The following TRMU variants were observed in gnomAD, a reference collection of about 807,000 sequenced individuals.
The protein encoded by TRMU is mitochondrial tRNA-specific 2-thiouridylase 1.
TRMU carries 49 observed loss-of-function variants against 46.9 expected under a neutral mutation model. The ratio of observed to expected loss-of-function variants is 1.05; its 90% CI spans 0.83 to 1.33. The LOEUF (loss-of-function observed/expected upper bound fraction) is 1.33, where lower values mean the gene tolerates loss of function less well. Ranked by LOEUF, TRMU falls within the 40% of genes most tolerant of loss-of-function variation. The probability of loss-of-function intolerance (pLI) is 0.00; values close to 1 mark genes in which losing one functional copy is unlikely to be tolerated. For missense variants in TRMU, 572 were observed against 532.4 expected, an observed-to-expected ratio of 1.07 and a Z score of -0.73; for synonymous variants, 241 against 200.9, an observed-to-expected ratio of 1.20 and a Z score of -1.69.
chr22:46,355,366 G>T (rs918405216), intron 8 of TRMU, 78 bp from the exon 9 acceptor site: 3 of 1,571,426 alleles, frequency 1.9e-6, no homozygotes, highest in Admixed American at 1.8e-5. Flanking sequence ...TAGGACAGTT[G>T]TTCCCAGGGA....
chr22:46,346,583 A>C (rs1433785620), intron 4 of TRMU, 39 bp downstream of exon 4: 5 of 1,596,708 alleles, frequency 3.1e-6, no homozygotes, highest in Non-Finnish European at 4.3e-6. Context: ...AATTCTTGTG[A>C]ACAGATTGAA....
At position 46,356,391 on chromosome 22, in the gene TRMU, G is replaced by C. The variant is rs1486393883; in HGVS notation, c.1101+319G>C. ...CAGTGCTCAAAGAGGCAGAGGGTCGGGGCCCCTGTGGGCCGAGTGTGCAGG... is the reference window on the plus strand; with the variant it reads ...CAGTGCTCAAAGAGGCAGAGGGTCGCGGCCCCTGTGGGCCGAGTGTGCAGG... On this transcript the variant is annotated intron_variant, in intron 10 of 10. Transcript: ENST00000645190. 1.1e-5 allele frequency: 5 copies of C among 450,264 alleles called. No individual in the cohort carries two copies. The East Asian group carries it at 2.1e-4, about 19-fold the overall frequency. The allele number at this position is 450,264 out of a possible 1,614,324, so 27.9% of individuals were successfully genotyped here. A position where few individuals can be genotyped will look rare whatever the true frequency, so the allele number is the denominator to read the frequency against.
rs2077968510 is a variant in TRMU, at chr22:46,336,095, C to A, written c.82+249C>A. The A allele has an allele frequency of 2.8e-5, 38 of 1,359,636 alleles. No individual in the cohort carries two copies. Among genetic ancestry groups the A allele is most frequent in the Non-Finnish European group, 3.5e-5 (37 of 1,058,582 alleles). 84.2% of individuals were successfully genotyped at this position (1,359,636 alleles called of 1,614,324 possible). A position where few individuals can be genotyped will look rare whatever the true frequency, so the allele number is the denominator to read the frequency against. On this transcript the variant is annotated intron_variant, in intron 1 of 10. Transcript: ENST00000645190. This position sits in a 1 kb window ranked among gnomAD's most constrained non-coding sequence, Gnocchi z 4.1. The stretch of plus-strand genomic sequence containing the variant: ...TTCCGCGCCCCTCTCCACCCACGCG[C>A]GCCCACCCACAGTGAGAAGCCGGCG...
rs118018000 is a variant in TRMU, at chr22:46,342,876, A to G, written c.249-386A>G. Among the ~76,000 whole-genome samples the G allele has an allele frequency of 1.0e-3, 152 of 152,374 alleles. No homozygotes were observed. The highest frequency in any genetic ancestry group is 2.3e-3 in the East Asian group (12 of 5,184). On this transcript the variant is annotated intron_variant, in intron 2 of 10. Coordinates refer to ENST00000645190, the MANE Select transcript of TRMU (RefSeq NM_018006.5). The surrounding 1 kb of genome is among the most constrained non-coding windows in gnomAD (Gnocchi z 4.7). ...GGAAGGCTGAGGTGGGAGAATCTGCAAGGGAAGTCTAAAGGATTTCATTTC... is the reference window on the plus strand; with the variant it reads ...GGAAGGCTGAGGTGGGAGAATCTGCGAGGGAAGTCTAAAGGATTTCATTTC...
rs370517885 is a variant in TRMU, at chr22:46,339,470, T to G, written c.248+1526T>G. 2.8e-4 allele frequency among the ~76,000 whole-genome samples: 43 copies of G among 152,212 alleles called. No homozygotes were observed. The highest frequency in any genetic ancestry group is 9.1e-4 in the African/African-American group (38 of 41,532). On this transcript the variant is annotated intron_variant, in intron 2 of 10. Coordinates refer to ENST00000645190, the MANE Select transcript of TRMU (RefSeq NM_018006.5). The surrounding 1 kb of genome is among the most constrained non-coding windows in gnomAD (Gnocchi z 4.8). ...AGCCTGCTATTTTTATTTTCATTAT[T>G]AAAAAGATGAGTCTGGGGAGCTAAG...
intron 8 of TRMU, 72 bp downstream of exon 8, chr22:46,353,939 C>A: frequency 7.0e-7 from 1 of 1,423,288 alleles, no homozygotes; most frequent in Non-Finnish European, 9.9e-7. Flanking sequence ...CAGACCAGGG[C>A]TTGAGAAGGC....
rs1449185725 is a variant in TRMU at position 46,338,867 on chromosome 22, G to C, written c.248+923G>C. On this transcript the variant is annotated intron_variant, in intron 2 of 10. Transcript: ENST00000645190. This position sits in a 1 kb window ranked among gnomAD's most constrained non-coding sequence, Gnocchi z 4.5. ...TGCGCGGGACAGGCTGCCCCTGCCT[G>C]AGTGGGCTTTAGGGGCAGAAGAGCC... Among the ~76,000 whole-genome samples, 1 of 152,204 alleles carries C rather than the reference G, an allele frequency of 6.6e-6. No individual in the cohort carries two copies. The highest frequency in any genetic ancestry group is 6.5e-5 in the Admixed American group (1 of 15,280).
At position 46,357,149 on chromosome 22, in the gene TRMU, G is replaced by C; in HGVS notation, c.*143G>C. On this transcript the variant is annotated 3_prime_UTR_variant, in exon 11 of 11. Transcript: ENST00000645190. The stretch of plus-strand genomic sequence containing the variant: ...GGCTGAGGGTCCGAAAAGCCTGCAG[G>C]GGCCCGGCGAGCCCCAGGAAGAGCC... 1 of 1,146,694 alleles carries C rather than the reference G, an allele frequency of 8.7e-7. No individual in the cohort carries two copies. The highest frequency in any genetic ancestry group is 1.3e-6 in the Non-Finnish European group (1 of 796,356). 71.0% of individuals were successfully genotyped at this position (1,146,694 alleles called of 1,614,324 possible). A position where few individuals can be genotyped will look rare whatever the true frequency, so the allele number is the denominator to read the frequency against.
At position 46,355,496 on chromosome 22, in the gene TRMU, G is replaced by GCGTGCA; in HGVS notation, c.928_933dup (p.Val310_His311dup). Reference sequence around the variant, plus strand: ...TACAGGGACCTGCTGAGGACCAGCCGCGTGCACTGGATTGCGGAGGAGCCT... The same window carrying GCGTGCA: ...TACAGGGACCTGCTGAGGACCAGCCGCGTGCACGTGCACTGGATTGCGGAGGAGCCT... On this transcript the variant is annotated inframe_insertion, in exon 9 of 11. Coordinates refer to ENST00000645190, the MANE Select transcript of TRMU (RefSeq NM_018006.5). 1 of 1,613,276 alleles carries GCGTGCA rather than the reference G, an allele frequency of 6.2e-7. No individual in the cohort carries two copies. The highest frequency in any genetic ancestry group is 8.5e-7 in the Non-Finnish European group (1 of 1,180,030).
At chr22:46,355,691 T>G in intron 9 of TRMU, 103 bp downstream of exon 9, 1 of 1,571,584 alleles carries the variant, frequency 6.4e-7, no homozygotes. Context: ...AAAGTCCCGT[T>G]GTGGAGATCA....
chr22:46,335,750 T>G lies in TRMU; in HGVS notation c.-15T>G, dbSNP rs764076380. On this transcript the variant is annotated 5_prime_UTR_variant, in exon 1 of 11. Coordinates refer to ENST00000645190, the MANE Select transcript of TRMU (RefSeq NM_018006.5). ...GCGGCGGTAGCTGCAGCTGGCGAAG[T>G]TGGGCGACTGGCGGATGCAGGCCTT... The G allele has an allele frequency of 5.2e-6, 8 of 1,548,540 alleles. No individual in the cohort carries two copies. Among genetic ancestry groups the G allele is most frequent in the Non-Finnish European group, 7.0e-6 (8 of 1,150,488 alleles).
intron 8 of TRMU, chr22:46,354,112 TAC>T (rs1420630336): frequency 2.7e-5 from 12 of 451,818 alleles, no homozygotes; most frequent in Non-Finnish European, 5.0e-5. Context: ...GATACACAGA[TAC>T]AGTTTCTCCA....
chr22:46,352,043 GC>G, intron 5 of TRMU, 77 bp from the exon 6 acceptor site: 1 of 1,531,004 alleles, frequency 6.5e-7, no homozygotes, highest in South Asian at 1.1e-5. Context: ...AGGCCCCAGG[GC>G]CCGCTCAGGA....
In TRMU at chr22:46,351,716, C is replaced by T. The variant is rs1327676697; in HGVS notation, c.652-405C>T. 2.1e-4 allele frequency: 69 copies of T among 334,962 alleles called. 2 individuals are homozygous for T. Among genetic ancestry groups the T allele is most frequent in the South Asian group, 1.7e-3 (64 of 38,288 alleles). 20.7% of individuals were successfully genotyped at this position (334,962 alleles called of 1,614,324 possible). ...AGATGTGCTTGAGGAAGGCGCCTCT[C>T]TCCTCTGACTCCCCTGGAGCCCTCC... On this transcript the variant is annotated intron_variant, in intron 5 of 10. Transcript: ENST00000645190. The surrounding 1 kb of genome is among the most constrained non-coding windows in gnomAD (Gnocchi z 6.4).
chr22:46,340,327 A>G (rs2078089247), intron 2 of TRMU, among the ~76,000 whole-genome samples: 1 of 152,154 alleles, frequency 6.6e-6, no homozygotes, highest in Non-Finnish European at 1.5e-5. Flanking sequence ...TGGCTGGGGA[A>G]AGCTGGTTTA....
chr22:46,355,133 A>T, intron 8 of TRMU: 1 of 490,298 alleles, frequency 2.0e-6, no homozygotes, highest in East Asian at 3.7e-5. Flanking sequence ...AGGTGGTTGC[A>T]GGTAGAGGGC....
intron 8 of TRMU, chr22:46,354,883 T>G (rs2147109652): frequency 6.3e-6 from 1 of 158,944 alleles, no homozygotes; most frequent in Admixed American, 6.1e-5. Context: ...AGGCCATGGG[T>G]GGGTGACAGG....
chr22:46,348,209 T>C lies in TRMU; in HGVS notation c.478+1665T>C, dbSNP rs558156867. ...GGAGATGGAGGGTTAATTTCCATGT[T>C]GAATAGATGCGCCTGCTTACCTCCT... On this transcript the variant is annotated intron_variant, in intron 4 of 10. Transcript: ENST00000645190. The surrounding 1 kb of genome is among the most constrained non-coding windows in gnomAD (Gnocchi z 4.8). Among the ~76,000 whole-genome samples the C allele has an allele frequency of 3.3e-5, 5 of 152,282 alleles. No homozygotes were observed. The highest frequency in any genetic ancestry group is 6.5e-5 in the Admixed American group (1 of 15,294).
Position 46,353,876 on chromosome 22 carries a change from G to A in TRMU, c.873+9G>A, listed in dbSNP as rs1264333967. 3 of 1,612,554 alleles carry A rather than the reference G, an allele frequency of 1.9e-6. No homozygotes were observed. The African/African-American group carries it at 4.0e-5, about 22-fold the overall frequency. ...AGGGTGACGTGTTTGTGGTGAGTGG[G>A]CCGGCCTCTGAGACAGCACTGGGGC... On this transcript the variant is annotated intron_variant, in intron 8 of 10. Coordinates refer to ENST00000645190, the MANE Select transcript of TRMU (RefSeq NM_018006.5).
Sources: allele counts gnomAD v4.1 joint callset (sites outside exome capture counted in the v4.1 genomes callset), GRCh38; gene constraint gnomAD v4.1.1; non-coding constraint Gnocchi (gnomAD v3.1); transcripts MANE v1.5; gene names NCBI Gene and HGNC (gene_info 2026-07-23, HGNC 2026-07-21).